SORCS2: variants seen among roughly 807,000 people sequenced by gnomAD.
SORCS2 encodes the protein sortilin related VPS10 domain containing receptor 2.
SORCS2 carries 100 observed loss-of-function variants against 141.6 expected under a neutral mutation model. That is an observed-to-expected ratio of 0.71 (90% CI 0.60 to 0.83). SORCS2 has a LOEUF of 0.83. Ranked by LOEUF, SORCS2 falls within the 40% of genes least tolerant of loss-of-function variation. The pLI, the probability that SORCS2 is intolerant of heterozygous loss-of-function variation, is 0.00. For synonymous variants in SORCS2, 789 were observed against 676.9 expected (o/e 1.17, Z -2.57); for missense variants, 1,646 against 1,560.2 (o/e 1.05, Z -0.93).
chr4:7,733,260 C>T, intron 23 of SORCS2, 62 bp from the exon 24 acceptor site: 2 of 1,318,970 alleles, frequency 1.5e-6, no homozygotes, highest in Non-Finnish European at 2.1e-6. Context: ...CCCCATCCCC[C>T]TTCCCTTTTG....
At chr4:7,386,631 A>G (rs868468363) in intron 1 of SORCS2, among the ~76,000 whole-genome samples, 9 of 151,244 alleles carry the variant, frequency 6.0e-5, no homozygotes, top group South Asian at 2.1e-4. Context: ...ACACATGAAC[A>G]CATGCACACA....
rs553858258 is a variant in SORCS2, at chr4:7,304,417, G to A, written c.481-91871G>A. Among the ~76,000 whole-genome samples, 12 of 152,252 alleles carry A rather than the reference G, an allele frequency of 7.9e-5. No homozygotes were observed. The South Asian group carries it at 2.5e-3, about 32-fold the overall frequency. On this transcript the variant is annotated intron_variant, in intron 1 of 26. Coordinates refer to ENST00000507866, the MANE Select transcript of SORCS2 (RefSeq NM_020777.3). ...TGCATCATCCACAAGCATCTATTTAGCATCTCTTTTGCAGGAGAACTGATG... is the reference window on the plus strand; with the variant it reads ...TGCATCATCCACAAGCATCTATTTAACATCTCTTTTGCAGGAGAACTGATG...
At chr4:7,450,552 G>A (rs1044678532) in intron 2 of SORCS2, among the ~76,000 whole-genome samples, 3 of 152,202 alleles carry the variant, frequency 2.0e-5, no homozygotes, top group Admixed American at 6.5e-5. Context: ...CACCACAGCT[G>A]TAGGTGCTGT....
chr4:7,686,316 G>A (rs929162235), intron 10 of SORCS2, among the ~76,000 whole-genome samples: 3 of 152,250 alleles, frequency 2.0e-5, no homozygotes, highest in Non-Finnish European at 2.9e-5. Flanking sequence ...TCTAAGGCGT[G>A]AGGCTGCAGT....
intron 2 of SORCS2, among the ~76,000 whole-genome samples, chr4:7,480,134 G>T (rs1280197551): frequency 6.6e-6 from 1 of 152,220 alleles, no homozygotes; most frequent in Non-Finnish European, 1.5e-5. Context: ...GGCCTGGAGT[G>T]GAGCGGCTGT....
rs536751140 is a variant in SORCS2 at position 7,539,011 on chromosome 4, T to G, written c.648+7382T>G. On this transcript the variant is annotated intron_variant, in intron 3 of 26. Coordinates refer to ENST00000507866, the MANE Select transcript of SORCS2 (RefSeq NM_020777.3). ...CAGCAGCCCTGCAGGGTAAGGATGCTCATGGGCCATTGCACAGGTGAAAGA... is the reference window on the plus strand; with the variant it reads ...CAGCAGCCCTGCAGGGTAAGGATGCGCATGGGCCATTGCACAGGTGAAAGA... 1.2e-3 allele frequency among the ~76,000 whole-genome samples: 181 copies of G among 152,274 alleles called. 2 individuals are homozygous for G. In the South Asian group the frequency reaches 0.012, roughly 10 times the overall value.
At chr4:7,615,201 T>A (rs1240579409) in intron 3 of SORCS2, among the ~76,000 whole-genome samples, 1 of 152,238 alleles carries the variant, frequency 6.6e-6, no homozygotes, top group Non-Finnish European at 1.5e-5. Context: ...TCCATATTGA[T>A]TTGTCAGAGA....
At position 7,455,034 on chromosome 4, in the gene SORCS2, AGGTGCTGTGTGTTGGG is replaced by A. The variant is rs1560298757; in HGVS notation, c.548+58681_548+58696del. 8.9e-5 allele frequency among the ~76,000 whole-genome samples: 3 copies of A among 33,898 alleles called. 1 individual carries two copies. The highest frequency in any genetic ancestry group is 2.1e-4 in the African/African-American group (3 of 14,150). 22.2% of individuals were successfully genotyped at this position (33,898 alleles called of 152,430 possible). A position where few individuals can be genotyped will look rare whatever the true frequency, so the allele number is the denominator to read the frequency against. On this transcript the variant is annotated intron_variant, in intron 2 of 26. Coordinates refer to ENST00000507866, the MANE Select transcript of SORCS2 (RefSeq NM_020777.3). ...TAGGGTCAGGCAGTGTGTTGGGGTC[AGGTGCTGTGTGTTGGG>A]GTCAGATGCTGTGTTGGGGTCAGCT...
At chr4:7,302,607 T>G (rs1717505724) in intron 1 of SORCS2, among the ~76,000 whole-genome samples, 1 of 152,178 alleles carries the variant, frequency 6.6e-6, no homozygotes, top group Admixed American at 6.5e-5. Flanking sequence ...GGACCTGTTT[T>G]TCTCCATGGC....
At position 7,222,497 on chromosome 4, in the gene SORCS2, G is replaced by T. The variant is rs1020224819; in HGVS notation, c.480+29371G>T. ...GACTGGCAGAGAGCGGGGCATGGGG[G>T]TGGTAGCTAACGGGCATGGTGATGA... On this transcript the variant is annotated intron_variant, in intron 1 of 26. Coordinates refer to ENST00000507866, the MANE Select transcript of SORCS2 (RefSeq NM_020777.3). Among the ~76,000 whole-genome samples the T allele has an allele frequency of 3.4e-5, 5 of 147,348 alleles. No homozygotes were observed. The South Asian group carries it at 6.4e-4, about 19-fold the overall frequency.
intron 3 of SORCS2, among the ~76,000 whole-genome samples, chr4:7,576,136 T>C (rs1015151366): frequency 3.9e-5 from 6 of 152,144 alleles, no homozygotes; most frequent in Non-Finnish European, 7.3e-5. Context: ...TTAATTAGCG[T>C]GCGAGGGAGA....
intron 19 of SORCS2, among the ~76,000 whole-genome samples, 183 bp from the exon 20 acceptor site, chr4:7,724,968 ATAG>A (rs1727097182): frequency 2.0e-5 from 2 of 98,438 alleles, no homozygotes; most frequent in African/African-American, 8.3e-5. Flanking sequence ...GATGGTGGTG[ATAG>A]TGTTGGTGGG....
intron 3 of SORCS2, among the ~76,000 whole-genome samples, chr4:7,561,798 T>C (rs1714601638): frequency 6.6e-6 from 1 of 151,820 alleles, no homozygotes; most frequent in African/African-American, 2.4e-5. Flanking sequence ...TGCCCATCTG[T>C]CTACCCATCT....
intron 12 of SORCS2, among the ~76,000 whole-genome samples, chr4:7,697,617 G>A (rs557089862): frequency 6.6e-6 from 1 of 152,350 alleles, no homozygotes; most frequent in African/African-American, 2.4e-5. Context: ...ACAGCACAGG[G>A]AGGAGGTCCC....
rs1290174944 is a variant in SORCS2 at position 7,714,120 on chromosome 4, T to A, written c.1990-120T>A. The A allele has an allele frequency of 2.1e-6, 3 of 1,398,174 alleles. No homozygotes were observed. In the East Asian group the frequency reaches 7.5e-5, roughly 35 times the overall value. 86.6% of individuals were successfully genotyped at this position (1,398,174 alleles called of 1,614,324 possible). ...TCACGCCCCATTATGGGCCTCAGTT[T>A]CCCCATCTGTAACCTGAGCCATCAG... is the stretch of plus-strand genomic sequence containing the variant. On this transcript the variant is annotated intron_variant, in intron 15 of 26. Coordinates refer to ENST00000507866, the MANE Select transcript of SORCS2 (RefSeq NM_020777.3).
At chr4:7,276,748 A>G (rs181574172) in intron 1 of SORCS2, among the ~76,000 whole-genome samples, 15 of 152,226 alleles carry the variant, frequency 9.9e-5, no homozygotes, top group Admixed American at 7.2e-4. Flanking sequence ...GCCAGAGCTG[A>G]CCTCATCTCT....
At chr4:7,656,367 C>T (rs188760541) in intron 5 of SORCS2, among the ~76,000 whole-genome samples, 2 of 152,316 alleles carry the variant, frequency 1.3e-5, no homozygotes, top group Admixed American at 6.5e-5. Flanking sequence ...GCCCCGCAGC[C>T]ATCCTGCTTT....
intron 4 of SORCS2, among the ~76,000 whole-genome samples, chr4:7,639,528 TG>T (rs71175419): frequency 0.036 from 4,917 of 136,854 alleles, 250 homozygotes; most frequent in African/African-American, 0.12. Flanking sequence ...TTGTGGGATG[TG>T]GGGGGGTGTT....
At chr4:7,317,392 T>C (rs1219203047) in intron 1 of SORCS2, among the ~76,000 whole-genome samples, 1 of 152,208 alleles carries the variant, frequency 6.6e-6, no homozygotes, top group Non-Finnish European at 1.5e-5. Flanking sequence ...AACGGAGGCA[T>C]CCTCAGTGCA....
Sources: allele counts gnomAD v4.1 joint callset (sites outside exome capture counted in the v4.1 genomes callset), GRCh38; gene constraint gnomAD v4.1.1; transcripts MANE v1.5; gene names NCBI Gene and HGNC (gene_info 2026-07-23, HGNC 2026-07-21).